The following IDE variants were observed in gnomAD, a reference collection of about 807,000 sequenced individuals.
IDE encodes insulin degrading enzyme.
In IDE, 58 loss-of-function variants were observed where a neutral mutation model predicts 133.2. That is an observed-to-expected ratio of 0.44 (90% CI 0.35 to 0.54). IDE has a LOEUF of 0.54. IDE is among the 20% of genes least tolerant of loss of function. The pLI, the probability that IDE is intolerant of heterozygous loss-of-function variation, is 0.00. For synonymous variants in IDE, 396 were observed against 421.3 expected (o/e 0.94, Z 0.73); for missense variants, 981 against 1,234.0 (o/e 0.79, Z 3.07).
chr10:92,466,527 C>G (rs562323436), intron 19 of IDE, among the ~76,000 whole-genome samples: 3 of 151,958 alleles, frequency 2.0e-5, no homozygotes, highest in South Asian at 4.2e-4. Flanking sequence ...ATGTTGGCCA[C>G]GCTGGTCTTG....
intron 1 of IDE, among the ~76,000 whole-genome samples, chr10:92,542,600 T>G (rs1474908984): frequency 6.6e-6 from 1 of 152,234 alleles, no homozygotes; most frequent in Admixed American, 6.5e-5. Flanking sequence ...CAGGTCATTA[T>G]CTTTTAAGTG....
chr10:92,453,255 T>C lies in IDE; in HGVS notation c.*1189A>G, dbSNP rs898460963. 3.3e-5 allele frequency: 5 copies of C among 152,198 alleles called. No homozygotes were observed. The highest frequency in any genetic ancestry group is 2.0e-4 in the Admixed American group (3 of 15,260). The allele number at this position is 152,198 out of a possible 1,614,324, so 9.4% of individuals were successfully genotyped here. Reference sequence around the variant, plus strand: ...TTCAAAACAGCTGTTAAATCTACAGTAACAATTTCACCTAAAATAGTATCT... The same window carrying C: ...TTCAAAACAGCTGTTAAATCTACAGCAACAATTTCACCTAAAATAGTATCT... On this transcript the variant is annotated 3_prime_UTR_variant, in exon 25 of 25. Transcript: ENST00000265986.
At chr10:92,473,685 A>C (rs974710056) in intron 17 of IDE, among the ~76,000 whole-genome samples, 1 of 152,050 alleles carries the variant, frequency 6.6e-6, no homozygotes, top group African/African-American at 2.4e-5. Flanking sequence ...ACTTTTTCTT[A>C]AAACTTCAAT....
intron 1 of IDE, chr10:92,558,812 C>T (rs1372753883): frequency 2.0e-5 from 3 of 152,022 alleles, no homozygotes; most frequent in East Asian, 1.9e-4. Context: ...TCAGGCTGGT[C>T]CTGAACTCCT....
intron 11 of IDE, among the ~76,000 whole-genome samples, chr10:92,503,432 A>C (rs951794393): frequency 6.6e-6 from 1 of 152,132 alleles, no homozygotes; most frequent in Non-Finnish European, 1.5e-5. Context: ...TTGGCTTCCC[A>C]AAAAATAGAA....
chr10:92,484,402 G>A (rs890786672), intron 13 of IDE, among the ~76,000 whole-genome samples: 4 of 151,842 alleles, frequency 2.6e-5, no homozygotes, highest in African/African-American at 9.7e-5. Flanking sequence ...GGGCAACAGA[G>A]CAAGACTCCA....
chr10:92,474,928 G>A lies in IDE; in HGVS notation c.2029C>T (p.Gln677Ter), dbSNP rs1846165940. ...TAGTACATGGCATGCTGGTGAGGCT[G>A]TTCAGCCCGGAAATTGTTAAGAGAT... ...MRSLNNFRAE[Q>*]PHQHAMYYLR... The change falls in exon 17 of 25, where the codon CAG becomes TAG. Residue 677 changes from glutamine to a stop codon, truncating the protein, a stop_gained. Coordinates refer to ENST00000265986, the MANE Select transcript of IDE (RefSeq NM_004969.4). LOFTEE classifies it high-confidence loss of function. 1 of 1,612,838 alleles carries A rather than the reference G, an allele frequency of 6.2e-7. No homozygotes were observed. Among genetic ancestry groups the A allele is most frequent in the Non-Finnish European group, 8.5e-7 (1 of 1,179,150 alleles).
At chr10:92,496,342 A>G (rs1847701419) in intron 11 of IDE, among the ~76,000 whole-genome samples, 2 of 152,188 alleles carry the variant, frequency 1.3e-5, no homozygotes, top group African/African-American at 4.8e-5. Flanking sequence ...CCTATAGCAA[A>G]ATGTAATCAG....
intron 11 of IDE, 88 bp downstream of exon 11, chr10:92,504,706 G>A (rs1379561834): frequency 1.4e-6 from 1 of 717,468 alleles, no homozygotes; most frequent in Non-Finnish European, 2.5e-6. Flanking sequence ...ATGTTTAAAA[G>A]CATTTTATTC....
chr10:92,522,140 A>C (rs2135598634), intron 4 of IDE, among the ~76,000 whole-genome samples: 1 of 152,310 alleles, frequency 6.6e-6, no homozygotes, highest in Non-Finnish European at 1.5e-5. Context: ...AACTTGTATT[A>C]GAGTCTGATT....
At chr10:92,458,408 T>C (rs1245565595) in intron 22 of IDE, among the ~76,000 whole-genome samples, 1 of 151,924 alleles carries the variant, frequency 6.6e-6, no homozygotes, top group Non-Finnish European at 1.5e-5. Context: ...GGTACCCCTA[T>C]TAATATCTTG....
At chr10:92,465,918 C>A in intron 19 of IDE, 75 bp from the exon 20 acceptor site, 1 of 1,202,152 alleles carries the variant, frequency 8.3e-7, no homozygotes, top group Non-Finnish European at 1.2e-6. Flanking sequence ...CTATGTCTGC[C>A]CACACTTACA....
Position 92,453,206 on chromosome 10 carries a change from G to A in IDE, c.*1238C>T, listed in dbSNP as rs199630007. The stretch of plus-strand genomic sequence containing the variant: ...AAATATATTCACAATTTCTCTTGAA[G>A]CAAGTTTTAATAACAGTAAATATTT... On this transcript the variant is annotated 3_prime_UTR_variant, in exon 25 of 25. Coordinates refer to ENST00000265986, the MANE Select transcript of IDE (RefSeq NM_004969.4). 1.3e-5 allele frequency: 2 copies of A among 152,060 alleles called. No homozygotes were observed. The highest frequency in any genetic ancestry group is 3.8e-4 in the East Asian group (2 of 5,198). The allele number at this position is 152,060 out of a possible 1,614,324, so 9.4% of individuals were successfully genotyped here.
intron 4 of IDE, among the ~76,000 whole-genome samples, chr10:92,520,696 C>T (rs1381338730): frequency 1.3e-5 from 2 of 152,054 alleles, no homozygotes; most frequent in Non-Finnish European, 2.9e-5. Context: ...AAATTTAAAC[C>T]GACAATTCCT....
At chr10:92,526,021 T>G (rs1020461022) in intron 4 of IDE, among the ~76,000 whole-genome samples, 4 of 151,936 alleles carry the variant, frequency 2.6e-5, no homozygotes, top group African/African-American at 7.3e-5. Context: ...CTGGGCGTTG[T>G]GGTGCAAGCC....
At chr10:92,465,194 T>C (rs981770187) in intron 20 of IDE, among the ~76,000 whole-genome samples, 3 of 152,236 alleles carry the variant, frequency 2.0e-5, no homozygotes, top group African/African-American at 7.2e-5. Flanking sequence ...TGGGGCTTCT[T>C]TGAGCTTCTT....
At chr10:92,541,545 TGTTAAA>T (rs778488992) in intron 1 of IDE, among the ~76,000 whole-genome samples, 2 of 152,210 alleles carry the variant, frequency 1.3e-5, no homozygotes, top group Non-Finnish European at 2.9e-5. Context: ...ATTTTTAACT[TGTTAAA>T]GTTAAAATTT....
intron 11 of IDE, among the ~76,000 whole-genome samples, chr10:92,502,500 G>C (rs1340041203): frequency 6.6e-6 from 1 of 152,066 alleles, no homozygotes; most frequent in East Asian, 1.9e-4. Flanking sequence ...TGCAACCTGT[G>C]ACTGTGCTGA....
At chr10:92,488,986 C>T (rs1171734454) in intron 12 of IDE, among the ~76,000 whole-genome samples, 8 of 146,708 alleles carry the variant, frequency 5.5e-5, no homozygotes, top group African/African-American at 2.0e-4. Context: ...AGCAACCAGC[C>T]TGGACAACAG....
Sources: allele counts gnomAD v4.1 joint callset (sites outside exome capture counted in the v4.1 genomes callset), GRCh38; gene constraint gnomAD v4.1.1; transcripts MANE v1.5; gene names NCBI Gene and HGNC (gene_info 2026-07-23, HGNC 2026-07-21).